XRCC5: variants seen among roughly 807,000 people sequenced by gnomAD.
XRCC5 encodes the protein X-ray repair cross complementing 5, also known as DNA repair protein Ku80.
XRCC5 carries 12 observed loss-of-function variants against 95.7 expected under a neutral mutation model. The observed-to-expected ratio is 0.13, with a 90% CI of 0.08 to 0.20. The LOEUF (loss-of-function observed/expected upper bound fraction) is 0.20, where lower values mean the gene tolerates loss of function less well. Among genes scored for constraint, XRCC5 ranks in the 10% least tolerant of loss-of-function variants. The pLI is 1.00. For synonymous variants in XRCC5, 281 were observed against 290.3 expected (o/e 0.97, Z 0.33); for missense variants, 595 against 873.9 (o/e 0.68, Z 4.02).
At chr2:216,192,760 T>TA (rs771289708) in intron 18 of XRCC5, 25 bp downstream of exon 18, 11 of 1,471,352 alleles carry the variant, frequency 7.5e-6, no homozygotes, top group Non-Finnish European at 1.0e-5. Context: ...GCCTTTTTTT[T>TA]TAAAAAGTAT....
At chr2:216,144,971 A>T (rs1688596560) in intron 13 of XRCC5, among the ~76,000 whole-genome samples, 1 of 152,250 alleles carries the variant, frequency 6.6e-6, no homozygotes, top group African/African-American at 2.4e-5. Flanking sequence ...ACTAGGAGAA[A>T]TGCATCTTGG....
intron 19 of XRCC5, among the ~76,000 whole-genome samples, chr2:216,195,474 T>A (rs886856505): frequency 6.6e-6 from 1 of 151,658 alleles, no homozygotes; most frequent in African/African-American, 2.4e-5. Context: ...ACCCTAGAGA[T>A]TCTGTTAGTC....
At chr2:216,126,927 A>C (rs974681157) in intron 7 of XRCC5, among the ~76,000 whole-genome samples, 5 of 151,118 alleles carry the variant, frequency 3.3e-5, no homozygotes, top group African/African-American at 1.2e-4. Context: ...TTTCTATTGG[A>C]AACTATGATA....
intron 10 of XRCC5, among the ~76,000 whole-genome samples, chr2:216,134,735 CCCTT>C (rs2106011145): frequency 6.6e-6 from 1 of 151,902 alleles, no homozygotes; most frequent in Non-Finnish European, 1.5e-5. Context: ...CGTGCCCAGC[CCCTT>C]CCTTCTTTTA....
chr2:216,141,925 G>A (rs1005980922), intron 13 of XRCC5, among the ~76,000 whole-genome samples: 7 of 152,078 alleles, frequency 4.6e-5, no homozygotes, highest in African/African-American at 1.4e-4. Flanking sequence ...ATGGTAGCAC[G>A]TGCCTGTAAT....
intron 15 of XRCC5, among the ~76,000 whole-genome samples, chr2:216,160,416 G>A (rs1318468239): frequency 6.6e-6 from 1 of 152,148 alleles, no homozygotes; most frequent in Non-Finnish European, 1.5e-5. Flanking sequence ...GAACATCTCA[G>A]TGTTGAGATT....
intron 5 of XRCC5, among the ~76,000 whole-genome samples, chr2:216,120,732 T>C (rs188721294): frequency 1.1e-3 from 132 of 116,660 alleles, no homozygotes; most frequent in Admixed American, 1.9e-3. Flanking sequence ...TTTTTAGTTT[T>C]TCTTGGTTGT....
chr2:216,171,192 A>G (rs1275471747), intron 16 of XRCC5, among the ~76,000 whole-genome samples: 1 of 152,240 alleles, frequency 6.6e-6, no homozygotes, highest in Non-Finnish European at 1.5e-5. Context: ...GTTCCACTTA[A>G]ATGCAATAAA....
intron 10 of XRCC5, among the ~76,000 whole-genome samples, chr2:216,134,944 G>T (rs1426366057): frequency 1.3e-5 from 2 of 152,142 alleles, no homozygotes; most frequent in Non-Finnish European, 2.9e-5. Flanking sequence ...TGAGGTCAAG[G>T]ACTTGGCTTT....
chr2:216,146,031 A>T (rs1160226063), intron 13 of XRCC5, among the ~76,000 whole-genome samples: 1 of 152,232 alleles, frequency 6.6e-6, no homozygotes, highest in Non-Finnish European at 1.5e-5. Context: ...GGGTAGATTC[A>T]CAGAGTTTGG....
intron 16 of XRCC5, among the ~76,000 whole-genome samples, chr2:216,181,218 A>G (rs1046122182): frequency 1.3e-5 from 2 of 152,228 alleles, no homozygotes; most frequent in Non-Finnish European, 1.5e-5. Context: ...TTTCCATCTT[A>G]TCACTATCCG....
At chr2:216,202,554 A>C (rs932684865) in intron 19 of XRCC5, among the ~76,000 whole-genome samples, 5 of 152,362 alleles carry the variant, frequency 3.3e-5, no homozygotes, top group African/African-American at 1.2e-4. Flanking sequence ...CAGAAGCTTC[A>C]TCACAATTCT....
chr2:216,158,391 C>G (rs1181573582), intron 14 of XRCC5, among the ~76,000 whole-genome samples: 1 of 152,152 alleles, frequency 6.6e-6, no homozygotes, highest in Non-Finnish European at 1.5e-5. Context: ...TAGTCAGTGG[C>G]AAAATCGAGA....
In XRCC5 at chr2:216,199,808, A is replaced by ATTTTTTTT. The variant is rs879564899; in HGVS notation, c.2110-4513_2110-4512insTTTTTTTT. Among the ~76,000 whole-genome samples the ATTTTTTTT allele has an allele frequency of 5.7e-5, 7 of 121,890 alleles. 3 individuals are homozygous for ATTTTTTTT. The highest frequency in any genetic ancestry group is 1.7e-4 in the Admixed American group (2 of 11,674). The allele number at this position is 121,890 out of a possible 152,430, so 80.0% of individuals were successfully genotyped here. On this transcript the variant is annotated intron_variant, in intron 19 of 20. Transcript: ENST00000392132. ...GAGGATTTATCCCCATGGCATTGGGATCTTTTTTTTTTTTTTTTTTTTTTT... is the reference window on the plus strand; with the variant it reads ...GAGGATTTATCCCCATGGCATTGGGATTTTTTTTTCTTTTTTTTTTTTTTTTTTTTTTT...
intron 16 of XRCC5, among the ~76,000 whole-genome samples, chr2:216,165,842 C>T (rs977053082): frequency 1.3e-5 from 2 of 152,252 alleles, no homozygotes; most frequent in Middle Eastern, 3.4e-3. Flanking sequence ...GTTACTTTTT[C>T]TCAGGCCTGA....
intron 14 of XRCC5, among the ~76,000 whole-genome samples, chr2:216,157,227 T>TC (rs1688860938): frequency 9.6e-6 from 1 of 104,712 alleles, no homozygotes; most frequent in East Asian, 2.1e-4. Context: ...CTTTTTTTTT[T>TC]GTTTTTTTTT....
intron 12 of XRCC5, among the ~76,000 whole-genome samples, chr2:216,138,630 A>G (rs955314480): frequency 6.6e-6 from 1 of 152,154 alleles, no homozygotes; most frequent in Non-Finnish European, 1.5e-5. Context: ...TCTCATTGTT[A>G]CTTATTTCTG....
chr2:216,191,424 T>C (rs1410739555), intron 17 of XRCC5, among the ~76,000 whole-genome samples: 2 of 152,126 alleles, frequency 1.3e-5, no homozygotes, highest in African/African-American at 4.8e-5. Flanking sequence ...TTTTTTTTTT[T>C]TCTTGAGACG....
chr2:216,172,236 T>C (rs1689177427), intron 16 of XRCC5, among the ~76,000 whole-genome samples: 1 of 152,174 alleles, frequency 6.6e-6, no homozygotes, highest in East Asian at 1.9e-4. Flanking sequence ...TAAGCAAACA[T>C]AATTAGACAA....
Sources: gnomAD v4.1 joint callset for allele counts (sites outside exome capture counted in the v4.1 genomes callset) on GRCh38, gnomAD v4.1.1 for gene constraint, MANE v1.5 for transcripts, NCBI Gene and HGNC (gene_info 2026-07-23, HGNC 2026-07-21) for gene names.